Variants in SMOC2 observed in about 807,000 individuals in gnomAD.
The protein encoded by SMOC2 is SPARC related modular calcium binding 2.
Under a neutral mutation model 61.4 loss-of-function variants are expected in SMOC2, and 39 were observed. The ratio of observed to expected loss-of-function variants is 0.64; its 90% confidence interval spans 0.49 to 0.83. SMOC2 has a LOEUF of 0.83. Ranked by LOEUF, SMOC2 falls within the 40% of genes least tolerant of loss-of-function variation. The pLI is 0.00. For missense variants in SMOC2, 556 were observed against 592.9 expected, an observed-to-expected ratio of 0.94 and a Z score of 0.65; for synonymous variants, 247 against 239.9, an observed-to-expected ratio of 1.03 and a Z score of -0.27.
rs111253538 is a variant in SMOC2 at position 168,515,300 on chromosome 6, G to T, written c.256+5214G>T. On this transcript the variant is annotated intron_variant, in intron 2 of 12. Transcript: ENST00000356284. The stretch of plus-strand genomic sequence containing the variant: ...ACACCTGTAGTCTTCAGAATCTCGT[G>T]TGTGGTGCTGCAGCTGCCAAGGCGG... Among the ~76,000 whole-genome samples, 582 of 152,320 alleles carry T rather than the reference G, an allele frequency of 3.8e-3. 7 individuals are homozygous for T. The highest frequency in any genetic ancestry group is 0.014 in the African/African-American group (565 of 41,574).
chr6:168,514,934 G>T (rs1044072321), intron 2 of SMOC2, among the ~76,000 whole-genome samples: 3 of 152,202 alleles, frequency 2.0e-5, no homozygotes, highest in African/African-American at 7.2e-5. Flanking sequence ...TCTCTGGCTC[G>T]TGGGCTTTTC....
At chr6:168,496,585 T>C (rs543855843) in intron 1 of SMOC2, among the ~76,000 whole-genome samples, 237 of 152,334 alleles carry the variant, frequency 1.6e-3, no homozygotes, top group Non-Finnish European at 3.0e-3. Flanking sequence ...CCTCGAGTTC[T>C]GTCCCGAGAG....
chr6:168,645,036 A>G (rs1246395902), intron 9 of SMOC2, among the ~76,000 whole-genome samples: 6 of 152,256 alleles, frequency 3.9e-5, no homozygotes, highest in Non-Finnish European at 8.8e-5. Context: ...TTTATAATCA[A>G]TAAAGGAACT....
At chr6:168,583,844 C>T (rs1024340940) in intron 7 of SMOC2, among the ~76,000 whole-genome samples, 1 of 152,162 alleles carries the variant, frequency 6.6e-6, no homozygotes, top group African/African-American at 2.4e-5. Context: ...TGTCATTGTC[C>T]TGAGTGGGAC....
intron 2 of SMOC2, among the ~76,000 whole-genome samples, chr6:168,513,516 TA>T (rs1415956308): frequency 6.6e-6 from 1 of 151,976 alleles, no homozygotes; most frequent in East Asian, 1.9e-4. Flanking sequence ...GACACTCACA[TA>T]AACACACACA....
chr6:168,491,591 C>A (rs962021287), intron 1 of SMOC2, among the ~76,000 whole-genome samples: 2 of 152,074 alleles, frequency 1.3e-5, no homozygotes, highest in Non-Finnish European at 2.9e-5. Context: ...ATGTAAAGAT[C>A]AAAAACATTA....
At chr6:168,508,575 T>C (rs371938979) in intron 1 of SMOC2, among the ~76,000 whole-genome samples, 2 of 152,094 alleles carry the variant, frequency 1.3e-5, no homozygotes, top group East Asian at 1.9e-4. Flanking sequence ...AGGTGGAAAG[T>C]TTCATTAGCT....
At chr6:168,628,223 G>C (rs1055896515) in intron 9 of SMOC2, among the ~76,000 whole-genome samples, 8 of 152,154 alleles carry the variant, frequency 5.3e-5, no homozygotes, top group Non-Finnish European at 1.2e-4. Context: ...ATTTTAGCTT[G>C]ACAAAACAAA....
At chr6:168,642,235 A>C (rs2115262521) in intron 9 of SMOC2, among the ~76,000 whole-genome samples, 1 of 152,344 alleles carries the variant, frequency 6.6e-6, no homozygotes, top group East Asian at 1.9e-4. Context: ...GACAGAAAAA[A>C]GGAAAGTGAT....
At chr6:168,484,407 A>G (rs150827031) in intron 1 of SMOC2, among the ~76,000 whole-genome samples, 19 of 152,304 alleles carry the variant, frequency 1.2e-4, no homozygotes, top group African/African-American at 4.6e-4. Context: ...ACCCACACCC[A>G]TTATAATAGC....
chr6:168,652,294 G>C (rs1018591563), intron 10 of SMOC2, among the ~76,000 whole-genome samples: 1 of 152,114 alleles, frequency 6.6e-6, no homozygotes, highest in African/African-American at 2.4e-5. Context: ...CGGAGTTCAC[G>C]GTGTTCTCAT....
intron 7 of SMOC2, among the ~76,000 whole-genome samples, chr6:168,585,750 C>T (rs573391961): frequency 1.3e-5 from 2 of 152,330 alleles, no homozygotes; most frequent in Admixed American, 6.5e-5. Context: ...GTCATGATGA[C>T]GGATGATGTT....
chr6:168,659,733 G>A (rs1265985256), intron 11 of SMOC2, among the ~76,000 whole-genome samples: 14 of 128,834 alleles, frequency 1.1e-4, no homozygotes, highest in African/African-American at 4.2e-4. Flanking sequence ...GGTGGAGGTT[G>A]TAGGTTGGGT....
intron 7 of SMOC2, among the ~76,000 whole-genome samples, chr6:168,591,607 A>G (rs1785182377): frequency 6.7e-6 from 1 of 149,288 alleles, no homozygotes; most frequent in Non-Finnish European, 1.5e-5. Context: ...TACATATTCT[A>G]TATTGTTAAT....
chr6:168,568,849 G>A lies in SMOC2; in HGVS notation c.637+19646G>A, dbSNP rs141956764. Among the ~76,000 whole-genome samples the A allele has an allele frequency of 6.2e-4, 94 of 152,256 alleles. No homozygotes were observed. The East Asian group carries it at 0.015, about 24-fold the overall frequency. On this transcript the variant is annotated intron_variant, in intron 7 of 12. Coordinates refer to ENST00000356284, the MANE Select transcript of SMOC2 (RefSeq NM_001166412.2). ...TAAGGTTCCTCTGTTACTAATATTCGTTTAAGGTTCCCCCGTGTCTTTTCG... is the reference window on the plus strand; with the variant it reads ...TAAGGTTCCTCTGTTACTAATATTCATTTAAGGTTCCCCCGTGTCTTTTCG...
intron 1 of SMOC2, among the ~76,000 whole-genome samples, chr6:168,506,783 TG>T (rs1782881005): frequency 6.6e-6 from 1 of 152,206 alleles, no homozygotes; most frequent in African/African-American, 2.4e-5. Context: ...TCCAGTTCAT[TG>T]CATTCTACAT....
At chr6:168,542,862 G>T (rs182592863) in intron 4 of SMOC2, among the ~76,000 whole-genome samples, 2 of 151,980 alleles carry the variant, frequency 1.3e-5, no homozygotes, top group Admixed American at 6.5e-5. Flanking sequence ...GAAAAAAAAA[G>T]AAAACAAAAA....
chr6:168,645,947 G>C (rs1038197333), intron 9 of SMOC2, among the ~76,000 whole-genome samples: 5 of 152,184 alleles, frequency 3.3e-5, no homozygotes, highest in African/African-American at 1.2e-4. Context: ...AATGATGATG[G>C]CGTGAATACC....
chr6:168,491,635 TA>T (rs1381312588), intron 1 of SMOC2, among the ~76,000 whole-genome samples: 1 of 152,210 alleles, frequency 6.6e-6, no homozygotes, highest in Admixed American at 6.5e-5. Context: ...AATAAAAATT[TA>T]AACCAAAACA....
Sources: allele counts gnomAD v4.1 joint callset (sites outside exome capture counted in the v4.1 genomes callset), GRCh38; gene constraint gnomAD v4.1.1; transcripts MANE v1.5; gene names NCBI Gene and HGNC (gene_info 2026-07-23, HGNC 2026-07-21).